The following PCBP3 variants were observed in gnomAD, a reference collection of about 807,000 sequenced individuals.
PCBP3 encodes the protein poly(rC)-binding protein 3.
Under a neutral mutation model 52.7 loss-of-function variants are expected in PCBP3, and 25 were observed. The ratio of observed to expected loss-of-function variants is 0.47; its 90% CI spans 0.35 to 0.66. The LOEUF (loss-of-function observed/expected upper bound fraction) is 0.66, where lower values mean the gene tolerates loss of function less well. PCBP3 is among the 30% of genes least tolerant of loss of function. PCBP3 has a pLI of 0.01. For missense variants in PCBP3, 391 were observed against 490.3 expected (o/e 0.80, Z 1.91); for synonymous variants, 162 against 183.0 (o/e 0.89, Z 0.93).
At chr21:45,886,873 C>A (rs547089299) in intron 5 of PCBP3, among the ~76,000 whole-genome samples, 1 of 152,190 alleles carries the variant, frequency 6.6e-6, no homozygotes, top group African/African-American at 2.4e-5. Context: ...GCATGGGGTT[C>A]GGGAGCCTCT....
At chr21:45,796,177 C>T (rs572659386) in intron 4 of PCBP3, among the ~76,000 whole-genome samples, 1 of 152,190 alleles carries the variant, frequency 6.6e-6, no homozygotes, top group East Asian at 1.9e-4. Flanking sequence ...ACAGAAACAA[C>T]AAAACTTCTC....
At chr21:45,851,197 G>A (rs2093984317) in intron 5 of PCBP3, among the ~76,000 whole-genome samples, 1 of 152,234 alleles carries the variant, frequency 6.6e-6, no homozygotes, top group African/African-American at 2.4e-5. Flanking sequence ...GTGTTTTAGA[G>A]TCAATAGTTA....
chr21:45,787,152 C>T (rs773360844), intron 4 of PCBP3, among the ~76,000 whole-genome samples: 18 of 152,178 alleles, frequency 1.2e-4, no homozygotes, highest in Admixed American at 4.6e-4. Flanking sequence ...AAAATAGTTT[C>T]GCCTCCTTTT....
intron 9 of PCBP3, among the ~76,000 whole-genome samples, chr21:45,906,357 CAG>C (rs1445636504): frequency 3.3e-5 from 5 of 151,678 alleles, no homozygotes; most frequent in Admixed American, 1.3e-4. Context: ...AGGCGTGTCA[CAG>C]GGGCTGGGGT....
intron 4 of PCBP3, among the ~76,000 whole-genome samples, chr21:45,768,288 A>C (rs935007075): frequency 1.3e-5 from 2 of 152,234 alleles, no homozygotes; most frequent in African/African-American, 4.8e-5. Flanking sequence ...CAGCGAAAGC[A>C]CTTGGACAAG....
chr21:45,881,825 C>T (rs1313540219), intron 5 of PCBP3, among the ~76,000 whole-genome samples: 1 of 152,276 alleles, frequency 6.6e-6, no homozygotes, highest in East Asian at 1.9e-4. Context: ...CTTTCTGTGC[C>T]CAGTTCATTT....
At chr21:45,775,778 A>G (rs887910227) in intron 4 of PCBP3, among the ~76,000 whole-genome samples, 7 of 152,270 alleles carry the variant, frequency 4.6e-5, no homozygotes, top group African/African-American at 1.4e-4. Flanking sequence ...TCTTTTTGAA[A>G]AGCCAAGTTT....
At chr21:45,769,303 G>A (rs1444346468) in intron 4 of PCBP3, among the ~76,000 whole-genome samples, 1 of 152,240 alleles carries the variant, frequency 6.6e-6, no homozygotes, top group Non-Finnish European at 1.5e-5. Context: ...TTGAGGGAGT[G>A]TTGGACGACC....
intron 5 of PCBP3, among the ~76,000 whole-genome samples, chr21:45,887,163 G>A (rs1229639183): frequency 2.0e-5 from 3 of 152,210 alleles, no homozygotes; most frequent in East Asian, 1.9e-4. Flanking sequence ...TCACCACCAC[G>A]CTGTTCCCTG....
Position 45,748,626 on chromosome 21 carries a change from G to A in PCBP3, c.-161-6791G>A, listed in dbSNP as rs564398528. ...CCCAAGATAGGACTCCTCTGAACAC[G>A]GCTGCATCCACATGTACCTTCTTTG... On this transcript the variant is annotated intron_variant, in intron 3 of 17. Transcript: ENST00000681687. Among the ~76,000 whole-genome samples the A allele has an allele frequency of 2.0e-5, 3 of 152,354 alleles. No individual in the cohort carries two copies. The South Asian group carries it at 6.2e-4, about 32-fold the overall frequency.
intron 9 of PCBP3, 60 bp downstream of exon 9, chr21:45,901,173 C>A: frequency 1.7e-6 from 2 of 1,206,574 alleles, no homozygotes; most frequent in Non-Finnish European, 2.5e-6. Context: ...TCCCAGCTGG[C>A]TCCCTGGGTC....
chr21:45,911,850 T>C (rs964305667), intron 11 of PCBP3, among the ~76,000 whole-genome samples: 2 of 152,226 alleles, frequency 1.3e-5, no homozygotes, highest in African/African-American at 4.8e-5. Flanking sequence ...TGAAGTTTGA[T>C]ACTTTGTGAA....
intron 2 of PCBP3, among the ~76,000 whole-genome samples, chr21:45,683,799 G>A (rs943640197): frequency 2.0e-5 from 3 of 151,988 alleles, no homozygotes; most frequent in Admixed American, 1.3e-4. Context: ...GGTAGCAGGC[G>A]CCTGTAGTTC....
chr21:45,692,537 G>A (rs185817067), intron 2 of PCBP3, among the ~76,000 whole-genome samples: 1 of 152,282 alleles, frequency 6.6e-6, no homozygotes, highest in Admixed American at 6.5e-5. Context: ...GGAATAATTG[G>A]TCGAATTCCT....
chr21:45,895,851 C>G (rs550772826), intron 5 of PCBP3, among the ~76,000 whole-genome samples: 2 of 152,350 alleles, frequency 1.3e-5, no homozygotes, highest in Non-Finnish European at 2.9e-5. Flanking sequence ...GGGCGCTGGG[C>G]CTGTGAGCTG....
chr21:45,648,589 G>C (rs1050772688), intron 1 of PCBP3, among the ~76,000 whole-genome samples: 1 of 152,202 alleles, frequency 6.6e-6, no homozygotes, highest in Admixed American at 6.5e-5. Flanking sequence ...CACAGGCTAG[G>C]CCCAATTCCA....
rs567476457 is a variant in PCBP3 at position 45,779,669 on chromosome 21, C to T, written c.-126+24217C>T. ...ACAAGAGATGTTCAACACTTGAACACGTAAAACTACAAAATATTGCCAACA... is the reference window on the plus strand; with the variant it reads ...ACAAGAGATGTTCAACACTTGAACATGTAAAACTACAAAATATTGCCAACA... On this transcript the variant is annotated intron_variant, in intron 4 of 17. Coordinates refer to ENST00000681687, the MANE Select transcript of PCBP3 (RefSeq NM_001384156.1). Among the ~76,000 whole-genome samples, 11 of 152,162 alleles carry T rather than the reference C, an allele frequency of 7.2e-5. No individual in the cohort carries two copies. The South Asian group carries it at 1.0e-3, about 14-fold the overall frequency.
chr21:45,930,225 C>T (rs972266277), intron 14 of PCBP3, among the ~76,000 whole-genome samples: 2 of 152,202 alleles, frequency 1.3e-5, no homozygotes, highest in African/African-American at 4.8e-5. Context: ...TACAGCTGGC[C>T]TTGCCATAGC....
intron 4 of PCBP3, among the ~76,000 whole-genome samples, chr21:45,793,868 C>A (rs2091769628): frequency 1.3e-5 from 2 of 152,210 alleles, no homozygotes; most frequent in South Asian, 4.2e-4. Context: ...AAAGTGTCTT[C>A]AGATAGTGAA....
Sources: gnomAD v4.1 joint callset for allele counts (sites outside exome capture counted in the v4.1 genomes callset) on GRCh38, gnomAD v4.1.1 for gene constraint, MANE v1.5 for transcripts, NCBI Gene and HGNC (gene_info 2026-07-23, HGNC 2026-07-21) for gene names.